SERTAD1: variants seen among roughly 807,000 people sequenced by gnomAD.
The protein encoded by SERTAD1 is SERTA domain containing 1.
In SERTAD1, 5 loss-of-function variants were observed where a neutral mutation model predicts 11.7. The ratio of observed to expected loss-of-function variants is 0.43; its 90% CI spans 0.22 to 0.90. The LOEUF is 0.90. SERTAD1 is among the 40% of genes least tolerant of loss of function. The pLI, the probability that SERTAD1 is intolerant of heterozygous loss-of-function variation, is 0.27. For missense variants in SERTAD1, 287 were observed against 313.9 expected (o/e 0.91, Z 0.65); for synonymous variants, 139 against 141.4 (o/e 0.98, Z 0.12).
At position 40,423,045 on chromosome 19, in the gene SERTAD1, C is replaced by T; in HGVS notation, c.502G>A (p.Asp168Asn). 2.5e-6 allele frequency: 4 copies of T among 1,576,972 alleles called. No homozygotes were observed. The highest frequency in any genetic ancestry group is 3.4e-6 in the Non-Finnish European group (4 of 1,161,028). The change falls in exon 2 of 2, where the codon GAT (aspartate) becomes AAT (asparagine). Residue 168 changes from aspartate (D) to asparagine (N), a missense_variant. By Grantham distance (23) the Asp-to-Asn change is conservative. Transcript: ENST00000357949. Reference protein sequence around the residue: ...LGPATGCLLDDGLEGLFEDID... With the variant: ...LGPATGCLLDNGLEGLFEDID... ...TCCTCAAACAGGCCCTCAAGCCCAT[C>T]GTCCAGTAGACAGCCAGTGGCTGGG...
chr19:40,425,559 G>A (rs2079613611), intron 1 of SERTAD1, among the ~76,000 whole-genome samples: 1 of 152,180 alleles, frequency 6.6e-6, no homozygotes. Flanking sequence ...GTGCGAGCCG[G>A]GACCCCTGGC....
intron 1 of SERTAD1, among the ~76,000 whole-genome samples, chr19:40,424,815 G>C (rs1416991720): frequency 1.3e-5 from 2 of 152,246 alleles, no homozygotes. Context: ...AGATTGGGGA[G>C]CAGCTAGGGG....
chr19:40,425,403 C>T (rs1199686547), intron 1 of SERTAD1, among the ~76,000 whole-genome samples: 1 of 152,200 alleles, frequency 6.6e-6, no homozygotes, highest in East Asian at 1.9e-4. Context: ...GGAATTCCGC[C>T]CCCACCCCCG....
Position 40,423,209 on chromosome 19 carries a change from G to A in SERTAD1, c.338C>T (p.Ala113Val). The change falls in exon 2 of 2, where the codon GCC (alanine) becomes GTC (valine). Residue 113 changes from alanine to valine, a missense_variant. Ala to Val is a moderately conservative substitution (Grantham distance 64, BLOSUM62 0). Transcript: ENST00000357949. ...LLASSDAALS[A>V]SMASLLEDLS... ...GTCCTCCAGGAGGCTGGCCATGGAGGCTGAAAGGGCAGCGTCCGAGCTTGC... is the reference window on the plus strand; with the variant it reads ...GTCCTCCAGGAGGCTGGCCATGGAGACTGAAAGGGCAGCGTCCGAGCTTGC... 1 of 1,601,070 alleles carries A rather than the reference G, an allele frequency of 6.2e-7. No individual in the cohort carries two copies. Among genetic ancestry groups the A allele is most frequent in the Admixed American group, 1.7e-5 (1 of 58,862 alleles).
Position 40,425,436 on chromosome 19 carries a change from C to A in SERTAD1, c.-1+431G>T, listed in dbSNP as rs1405329654. Among the ~76,000 whole-genome samples the A allele has an allele frequency of 3.3e-5, 5 of 152,158 alleles. No homozygotes were observed. In the East Asian group the frequency reaches 9.6e-4, roughly 29 times the overall value. On this transcript the variant is annotated intron_variant, in intron 1 of 1. Transcript: ENST00000357949. Reference sequence around the variant, plus strand: ...CCGACTCCGCCCCCGGGTCCCGGCGCCCCCTAGCGGTGCCCAGGCCGGCTT... The same window carrying A: ...CCGACTCCGCCCCCGGGTCCCGGCGACCCCTAGCGGTGCCCAGGCCGGCTT...
rs1358682184 is a variant in SERTAD1 at position 40,425,896 on chromosome 19, G to C, written c.-30C>G. On this transcript the variant is annotated 5_prime_UTR_variant, in exon 1 of 2. Coordinates refer to ENST00000357949, the MANE Select transcript of SERTAD1 (RefSeq NM_013376.4). ...CTCACTAGCGGCCAATCAGAACGAA[G>C]AGGTAGCCACCCACAACCAATCAGG... The C allele has an allele frequency of 1.3e-5, 2 of 152,286 alleles. No individual in the cohort carries two copies. The highest frequency in any genetic ancestry group is 1.3e-4 in the Admixed American group (2 of 15,282). 9.4% of individuals were successfully genotyped at this position (152,286 alleles called of 1,614,324 possible).
chr19:40,423,539 C>T lies in SERTAD1; in HGVS notation c.8G>A (p.Ser3Asn). The T allele has an allele frequency of 6.3e-7, 1 of 1,582,772 alleles. No individual in the cohort carries two copies. ML[S>N]KGLKRKREEE... is the part of the protein sequence containing the mutation. ...CTCCCGTTTCCGCTTCAGACCCTTG[C>T]TCAGCATCTGCAGAGGGCAGGGAGT... The change falls in exon 2 of 2, where the codon AGC becomes AAC. Residue 3 changes from serine to asparagine, a missense_variant. Physicochemically the swap from Ser to Asn is conservative, Grantham distance 46. Transcript: ENST00000357949.
At chr19:40,425,088 G>A (rs2079611591) in intron 1 of SERTAD1, among the ~76,000 whole-genome samples, 1 of 152,178 alleles carries the variant, frequency 6.6e-6, no homozygotes, top group South Asian at 2.1e-4. Context: ...GGAGCTGGTA[G>A]TGGCATGGAA....
At chr19:40,425,385 G>C (rs890682704) in intron 1 of SERTAD1, among the ~76,000 whole-genome samples, 6 of 152,222 alleles carry the variant, frequency 3.9e-5, no homozygotes, top group Non-Finnish European at 1.5e-5. Context: ...GGGGAGTCCG[G>C]AACCGCAGGA....
chr19:40,423,697 A>C, intron 1 of SERTAD1, 151 bp from the exon 2 acceptor site: 1 of 572,490 alleles, frequency 1.7e-6, no homozygotes, highest in Non-Finnish European at 3.1e-6. Context: ...CTTTAAAGAT[A>C]TAGACAATTT....
chr19:40,423,174 T>G lies in SERTAD1; in HGVS notation c.373A>C (p.Ile125Leu). 6.2e-7 allele frequency: 1 copy of G among 1,602,422 alleles called. No individual in the cohort carries two copies. The highest frequency in any genetic ancestry group is 8.5e-7 in the Non-Finnish European group (1 of 1,173,880). Residue 125 changes from isoleucine (I) to leucine (L), a missense_variant, in exon 2 of 2, where the codon ATT (isoleucine) becomes CTT (leucine). Transcript: ENST00000357949. ...TGGGGAGCCTGACTCAGGCCCTCAATGTGGCTGAGGTCCTCCAGGAGGCTG... is the reference window on the plus strand; with the variant it reads ...TGGGGAGCCTGACTCAGGCCCTCAAGGTGGCTGAGGTCCTCCAGGAGGCTG... Reference protein sequence around the residue: ...MASLLEDLSHIEGLSQAPQPL... With the variant: ...MASLLEDLSHLEGLSQAPQPL...
intron 1 of SERTAD1, 70 bp downstream of exon 1, chr19:40,425,797 A>C (rs1469865262): frequency 2.6e-5 from 4 of 152,168 alleles, no homozygotes; most frequent in Non-Finnish European, 5.9e-5. Flanking sequence ...TGTCGGACCC[A>C]GGGATCGAAC....
In SERTAD1 at chr19:40,422,161, T is replaced by G. The variant is rs1213622970; in HGVS notation, c.*675A>C. 2 of 148,452 alleles carry G rather than the reference T, an allele frequency of 1.3e-5. No homozygotes were observed. The highest frequency in any genetic ancestry group is 3.0e-5 in the Non-Finnish European group (2 of 67,460). The allele number at this position is 148,452 out of a possible 1,614,324, so 9.2% of individuals were successfully genotyped here. ...GAAAGAAAAAAAAAAAGTGGCCTGG[T>G]AGGAGGATCGCTTGAGCCCAGGAGT... On this transcript the variant is annotated 3_prime_UTR_variant, in exon 2 of 2. Coordinates refer to ENST00000357949, the MANE Select transcript of SERTAD1 (RefSeq NM_013376.4).
chr19:40,423,550 C>T lies in SERTAD1; in HGVS notation c.1-4G>A, dbSNP rs2079606631. The T allele has an allele frequency of 6.5e-7, 1 of 1,545,440 alleles. No homozygotes were observed. On this transcript the variant is annotated splice_region_variant and splice_polypyrimidine_tract_variant and intron_variant, in intron 1 of 1. Coordinates refer to ENST00000357949, the MANE Select transcript of SERTAD1 (RefSeq NM_013376.4). ...GCTTCAGACCCTTGCTCAGCATCTGCAGAGGGCAGGGAGTTATGGAGTTAT... is the reference window on the plus strand; with the variant it reads ...GCTTCAGACCCTTGCTCAGCATCTGTAGAGGGCAGGGAGTTATGGAGTTAT...
At position 40,423,156 on chromosome 19, in the gene SERTAD1, C is replaced by T. The variant is rs867317282; in HGVS notation, c.391G>A (p.Ala131Thr). The T allele has an allele frequency of 6.2e-7, 1 of 1,602,958 alleles. No individual in the cohort carries two copies. The highest frequency in any genetic ancestry group is 8.5e-7 in the Non-Finnish European group (1 of 1,174,600). ...DLSHIEGLSQAPQPLADEGPP... is the reference protein window; with the variant it reads ...DLSHIEGLSQTPQPLADEGPP... ...CCCTCGTCTGCCAAGGGTTGGGGAG[C>T]CTGACTCAGGCCCTCAATGTGGCTG... is the stretch of plus-strand genomic sequence containing the variant. The change falls in exon 2 of 2, where the codon GCT (alanine) becomes ACT (threonine). Residue 131 changes from alanine (A) to threonine (T), a missense_variant. By Grantham distance (58) the Ala-to-Thr change is moderately conservative (BLOSUM62 0). Coordinates refer to ENST00000357949, the MANE Select transcript of SERTAD1 (RefSeq NM_013376.4).
intron 1 of SERTAD1, among the ~76,000 whole-genome samples, chr19:40,424,907 A>G (rs2079610873): frequency 6.6e-6 from 1 of 152,204 alleles, no homozygotes; most frequent in African/African-American, 2.4e-5. Context: ...GTGGGCAGTC[A>G]TTAAAGGAAT....
At position 40,423,396 on chromosome 19, in the gene SERTAD1, G is replaced by A; in HGVS notation, c.151C>T (p.Leu51Phe). 6.2e-7 allele frequency: 1 copy of A among 1,613,434 alleles called. No individual in the cohort carries two copies. Among genetic ancestry groups the A allele is most frequent in the Non-Finnish European group, 8.5e-7 (1 of 1,180,024 alleles). The part of the protein sequence containing the change: ...ASSSLFDLSV[L>F]KLHHSLQQSE... ...TGCTGCAGGCTGTGGTGGAGCTTGA[G>A]CACTGAGAGGTCAAAGAGGGAGCTA... The change falls in exon 2 of 2, where the codon CTC becomes TTC. Residue 51 changes from leucine to phenylalanine, a missense_variant. Leu to Phe is a conservative substitution (Grantham distance 22). Transcript: ENST00000357949.
At position 40,422,132 on chromosome 19, in the gene SERTAD1, A is replaced by AG. The variant is rs932053418; in HGVS notation, c.*703_*704insC. 92 of 151,348 alleles carry AG rather than the reference A, an allele frequency of 6.1e-4. No individual in the cohort carries two copies. Among genetic ancestry groups the AG allele is most frequent in the African/African-American group, 2.1e-3 (86 of 41,254 alleles). 9.4% of individuals were successfully genotyped at this position (151,348 alleles called of 1,614,324 possible). A position where few individuals can be genotyped will look rare whatever the true frequency, so the allele number is the denominator to read the frequency against. Reference sequence around the variant, plus strand: ...CAGAGTAAGAATCTGTCTTAAAAAAAAAAGAAAGAAAAAAAAAAAGTGGCC... The same window carrying AG: ...CAGAGTAAGAATCTGTCTTAAAAAAAGAAAGAAAGAAAAAAAAAAAGTGGCC... On this transcript the variant is annotated 3_prime_UTR_variant, in exon 2 of 2. Transcript: ENST00000357949.
At position 40,423,184 on chromosome 19, in the gene SERTAD1, G is replaced by C. The variant is rs2079604661; in HGVS notation, c.363C>G (p.Asp121Glu). 1.9e-6 allele frequency: 3 copies of C among 1,601,218 alleles called. No homozygotes were observed. In the East Asian group the frequency reaches 6.8e-5, roughly 36 times the overall value. The change falls in exon 2 of 2, where the codon GAC becomes GAG. Residue 121 changes from aspartate to glutamate, a missense_variant. Physicochemically the swap from Asp to Glu is conservative, Grantham distance 45 (BLOSUM62 2). Coordinates refer to ENST00000357949, the MANE Select transcript of SERTAD1 (RefSeq NM_013376.4). ...GACTCAGGCCCTCAATGTGGCTGAG[G>C]TCCTCCAGGAGGCTGGCCATGGAGG... ...LSASMASLLE[D>E]LSHIEGLSQA...
Sources: gnomAD v4.1 joint callset for allele counts (sites outside exome capture counted in the v4.1 genomes callset) on GRCh38, gnomAD v4.1.1 for gene constraint, MANE v1.5 for transcripts, NCBI Gene and HGNC (gene_info 2026-07-23, HGNC 2026-07-21) for gene names.